The following FAM227B variants were observed in gnomAD, a reference collection of about 807,000 sequenced individuals.
FAM227B encodes the protein protein FAM227B.
In FAM227B, 88 loss-of-function variants were observed where a neutral mutation model predicts 73.8. That is an observed-to-expected ratio of 1.19 (90% CI 1.00 to 1.42). The LOEUF (loss-of-function observed/expected upper bound fraction) is 1.42, where lower values mean the gene tolerates loss of function less well. FAM227B is among the 40% of genes most tolerant of loss of function. FAM227B has a pLI of 0.00. For missense variants in FAM227B, 632 were observed against 590.9 expected (o/e 1.07, Z -0.72); for synonymous variants, 210 against 190.5 (o/e 1.10, Z -0.84).
intron 11 of FAM227B, among the ~76,000 whole-genome samples, chr15:49,381,006 T>C (rs2046495460): frequency 6.6e-6 from 1 of 152,096 alleles, no homozygotes; most frequent in Non-Finnish European, 1.5e-5. Context: ...ATTACAATCG[T>C]GGTAAAAGGC....
At chr15:49,386,145 A>C (rs2046869945) in intron 11 of FAM227B, among the ~76,000 whole-genome samples, 1 of 151,956 alleles carries the variant, frequency 6.6e-6, no homozygotes, top group Middle Eastern at 3.4e-3. Context: ...GCTAGAACAA[A>C]TGAACTTAAA....
At chr15:49,439,673 C>A (rs2051448076) in intron 11 of FAM227B, among the ~76,000 whole-genome samples, 1 of 151,742 alleles carries the variant, frequency 6.6e-6, no homozygotes. Context: ...CTTATTGGAA[C>A]TGCTAATCTG....
chr15:49,383,389 C>T, intron 11 of FAM227B, among the ~76,000 whole-genome samples: 1 of 152,022 alleles, frequency 6.6e-6, no homozygotes, highest in Admixed American at 6.6e-5. Flanking sequence ...TAGCAGTAAA[C>T]TATTTTTAAA....
intron 11 of FAM227B, among the ~76,000 whole-genome samples, chr15:49,438,118 T>C (rs545502438): frequency 1.3e-5 from 2 of 151,516 alleles, no homozygotes; most frequent in African/African-American, 4.8e-5. Flanking sequence ...AAGTTCAAGA[T>C]AGGAAGTAGG....
chr15:49,383,912 C>A (rs935218043), intron 11 of FAM227B, among the ~76,000 whole-genome samples: 2 of 152,184 alleles, frequency 1.3e-5, no homozygotes, highest in Admixed American at 1.3e-4. Flanking sequence ...CATTCTCCCC[C>A]CAAATACAGG....
intron 13 of FAM227B, among the ~76,000 whole-genome samples, chr15:49,363,851 A>G (rs890801404): frequency 3.3e-5 from 5 of 152,082 alleles, no homozygotes; most frequent in Admixed American, 1.3e-4. Flanking sequence ...TCAAAAGCCT[A>G]TTCTGCATGT....
At chr15:49,574,297 G>A (rs555991655) in intron 8 of FAM227B, among the ~76,000 whole-genome samples, 2 of 152,122 alleles carry the variant, frequency 1.3e-5, no homozygotes, top group East Asian at 3.9e-4. Flanking sequence ...TACCCCCTCT[G>A]ATATGGTTTG....
At chr15:49,602,366 AG>A (rs34324597) in intron 3 of FAM227B, among the ~76,000 whole-genome samples, 37,738 of 152,040 alleles carry the variant, frequency 0.25, 5,620 homozygotes, top group Non-Finnish European at 0.34. Context: ...ATGTCACTAT[AG>A]TTTAGATTTG....
chr15:49,409,957 C>G (rs954329776), intron 11 of FAM227B, among the ~76,000 whole-genome samples: 2 of 152,084 alleles, frequency 1.3e-5, no homozygotes, highest in Non-Finnish European at 2.9e-5. Context: ...TTCATCTCTG[C>G]TTTTACTGTT....
At chr15:49,616,111 C>T (rs2078272148) in intron 1 of FAM227B, among the ~76,000 whole-genome samples, 1 of 152,134 alleles carries the variant, frequency 6.6e-6, no homozygotes, top group South Asian at 2.1e-4. Flanking sequence ...ATTAAGGATA[C>T]TGTTATGGAC....
chr15:49,383,895 C>A (rs1437087300), intron 11 of FAM227B, among the ~76,000 whole-genome samples: 1 of 152,028 alleles, frequency 6.6e-6, no homozygotes, highest in African/African-American at 2.4e-5. Context: ...TTTTCTCTAC[C>A]ATTTGTCATT....
At chr15:49,548,015 A>G (rs903526471) in intron 9 of FAM227B, among the ~76,000 whole-genome samples, 2 of 152,194 alleles carry the variant, frequency 1.3e-5, no homozygotes, top group Non-Finnish European at 2.9e-5. Flanking sequence ...CAACTTCAGA[A>G]TATACATTCT....
chr15:49,337,420 G>A (rs181541046), intron 13 of FAM227B, among the ~76,000 whole-genome samples: 26 of 146,718 alleles, frequency 1.8e-4, no homozygotes, highest in East Asian at 6.0e-4. Context: ...TGTGGTTTTC[G>A]TTTGCATTTC....
intron 1 of FAM227B, among the ~76,000 whole-genome samples, chr15:49,616,798 T>C (rs1378582245): frequency 6.6e-6 from 1 of 152,212 alleles, no homozygotes; most frequent in Admixed American, 6.5e-5. Flanking sequence ...AAAATTGAAA[T>C]GTCAAGTATT....
At chr15:49,584,851 T>C (rs542105768) in intron 5 of FAM227B, among the ~76,000 whole-genome samples, 1 of 151,958 alleles carries the variant, frequency 6.6e-6, no homozygotes, top group African/African-American at 2.4e-5. Flanking sequence ...CGGATCTAAT[T>C]AAACTAAAGA....
chr15:49,573,428 C>T (rs1319122624), intron 8 of FAM227B, among the ~76,000 whole-genome samples: 2 of 152,028 alleles, frequency 1.3e-5, no homozygotes, highest in Non-Finnish European at 2.9e-5. Context: ...TGAATGTGTC[C>T]CCCAAAGTTC....
chr15:49,577,721 T>TA, intron 5 of FAM227B, 57 bp from the exon 6 acceptor site: 1 of 1,138,980 alleles, frequency 8.8e-7, no homozygotes, highest in Non-Finnish European at 1.3e-6. Context: ...ATTTTACATT[T>TA]AGTAAATTTG....
intron 11 of FAM227B, among the ~76,000 whole-genome samples, chr15:49,407,494 T>A (rs187357561): frequency 9.2e-5 from 14 of 152,176 alleles, no homozygotes; most frequent in African/African-American, 3.4e-4. Flanking sequence ...GTGGCAGCTG[T>A]TCCACCTGGC....
intron 11 of FAM227B, among the ~76,000 whole-genome samples, chr15:49,481,951 T>C (rs543960130): frequency 1.3e-5 from 2 of 152,178 alleles, no homozygotes; most frequent in East Asian, 3.9e-4. Context: ...GAATAGAAAT[T>C]TTATTATCCA....
Sources: gnomAD v4.1 joint callset for allele counts (sites outside exome capture counted in the v4.1 genomes callset) on GRCh38, gnomAD v4.1.1 for gene constraint, MANE v1.5 for transcripts, NCBI Gene and HGNC (gene_info 2026-07-23, HGNC 2026-07-21) for gene names.